The following FAF1 variants were observed in gnomAD, a reference collection of about 807,000 sequenced individuals.
The protein encoded by FAF1 is Fas associated factor 1, also known as FAS-associated factor 1.
In FAF1, 25 loss-of-function variants were observed where a neutral mutation model predicts 92.5. The ratio of observed to expected loss-of-function variants is 0.27; its 90% confidence interval spans 0.20 to 0.38. The LOEUF is 0.38. Among genes scored for constraint, FAF1 ranks in the 10% least tolerant of loss-of-function variants. The pLI is 1.00. For synonymous variants in FAF1, 234 were observed against 273.2 expected, an observed-to-expected ratio of 0.86 and a Z score of 1.42; for missense variants, 636 against 793.3, an observed-to-expected ratio of 0.80 and a Z score of 2.38.
intron 13 of FAF1, among the ~76,000 whole-genome samples, chr1:50,566,118 T>A (rs1345509543): frequency 6.6e-6 from 1 of 152,100 alleles, no homozygotes; most frequent in Admixed American, 6.5e-5. Context: ...AAATGAAGTA[T>A]TAGATTATGA....
intron 9 of FAF1, among the ~76,000 whole-genome samples, chr1:50,592,224 T>C (rs1296088164): frequency 6.7e-6 from 1 of 150,140 alleles, no homozygotes. Flanking sequence ...CAATAAATGT[T>C]TCTTTAACCA....
At chr1:50,811,369 C>T (rs1165397277) in intron 2 of FAF1, among the ~76,000 whole-genome samples, 1 of 151,988 alleles carries the variant, frequency 6.6e-6, no homozygotes, top group Non-Finnish European at 1.5e-5. Context: ...ACAAGAACAA[C>T]AAAACCAATA....
At chr1:50,861,387 G>C (rs1015140252) in intron 1 of FAF1, among the ~76,000 whole-genome samples, 13 of 151,832 alleles carry the variant, frequency 8.6e-5, no homozygotes, top group African/African-American at 3.1e-4. Flanking sequence ...GAATCTTCAT[G>C]ATAGGATTAG....
chr1:50,680,643 A>T lies in FAF1; in HGVS notation c.658-25115T>A, dbSNP rs551335323. Among the ~76,000 whole-genome samples the T allele has an allele frequency of 3.3e-5, 5 of 152,118 alleles. No individual in the cohort carries two copies. The East Asian group carries it at 9.7e-4, about 29-fold the overall frequency. ...GGTTGCAGTGAGCTGAGATTGTGCC[A>T]TTGCACTCCAGCCTGGGCGATGAGT... On this transcript the variant is annotated intron_variant, in intron 7 of 18. Transcript: ENST00000396153.
At chr1:50,780,036 A>T (rs888314980) in intron 4 of FAF1, among the ~76,000 whole-genome samples, 1 of 151,914 alleles carries the variant, frequency 6.6e-6, no homozygotes, top group Non-Finnish European at 1.5e-5. Context: ...GAAGTAAAAG[A>T]GGAAGTGTAG....
intron 12 of FAF1, among the ~76,000 whole-genome samples, chr1:50,582,059 G>A (rs1049560724): frequency 1.7e-4 from 26 of 150,280 alleles, no homozygotes; most frequent in Admixed American, 1.7e-3. Context: ...GGTGGGCAGG[G>A]GCCCAAAGTG....
intron 11 of FAF1, 159 bp from the exon 12 acceptor site, chr1:50,582,858 G>A (rs1251058754): frequency 8.6e-6 from 5 of 581,402 alleles, no homozygotes; most frequent in Non-Finnish European, 1.5e-5. Context: ...AGCTTTATTG[G>A]TTTTTAGAAT....
rs144693793 is a variant in FAF1, at chr1:50,512,770, A to G, written c.1495-20969T>C. Among the ~76,000 whole-genome samples, 620 of 152,318 alleles carry G rather than the reference A, an allele frequency of 4.1e-3. 8 individuals are homozygous for G. Among genetic ancestry groups the G allele is most frequent in the African/African-American group, 0.014 (573 of 41,582 alleles). Reference sequence around the variant, plus strand: ...AAAGTAGTTTTTTCTAATTCTGTGAAGAAAGTCAATGGTAGCTAGATGGGG... The same window carrying G: ...AAAGTAGTTTTTTCTAATTCTGTGAGGAAAGTCAATGGTAGCTAGATGGGG... On this transcript the variant is annotated intron_variant, in intron 15 of 18. Coordinates refer to ENST00000396153, the MANE Select transcript of FAF1 (RefSeq NM_007051.3).
chr1:50,721,074 C>T (rs1371552664), intron 6 of FAF1, among the ~76,000 whole-genome samples: 1 of 152,140 alleles, frequency 6.6e-6, no homozygotes. Context: ...TTGTACCCAG[C>T]CAAGACCCCA....
At chr1:50,502,538 CTGTT>C (rs1365230114) in intron 15 of FAF1, among the ~76,000 whole-genome samples, 1 of 152,142 alleles carries the variant, frequency 6.6e-6, no homozygotes, top group African/African-American at 2.4e-5. Flanking sequence ...GTTTCATTGA[CTGTT>C]TGACAGGAAC....
chr1:50,796,051 A>C (rs1244739565), intron 3 of FAF1, among the ~76,000 whole-genome samples: 1 of 151,806 alleles, frequency 6.6e-6, no homozygotes, highest in Non-Finnish European at 1.5e-5. Context: ...GTAAAAAAAC[A>C]ACAACAACAA....
chr1:50,920,166 T>C (rs781724018), intron 1 of FAF1, among the ~76,000 whole-genome samples: 39 of 151,970 alleles, frequency 2.6e-4, no homozygotes, highest in South Asian at 1.5e-3. Flanking sequence ...CTGGGTGTGG[T>C]GGCACTCGCC....
At chr1:50,456,844 T>C (rs1433797380) in intron 18 of FAF1, among the ~76,000 whole-genome samples, 1 of 152,178 alleles carries the variant, frequency 6.6e-6, no homozygotes, top group Non-Finnish European at 1.5e-5. Context: ...GGCAAATGCC[T>C]GGCTCAGCCC....
intron 7 of FAF1, among the ~76,000 whole-genome samples, chr1:50,705,045 G>T (rs1396311294): frequency 6.6e-6 from 1 of 152,258 alleles, no homozygotes; most frequent in Non-Finnish European, 1.5e-5. Context: ...AATGACTGTT[G>T]CTTTCATAAC....
chr1:50,539,196 T>C (rs1296563290), intron 14 of FAF1, among the ~76,000 whole-genome samples: 2 of 152,216 alleles, frequency 1.3e-5, no homozygotes, highest in Non-Finnish European at 2.9e-5. Context: ...AATTCAATCT[T>C]CAATATACAG....
intron 1 of FAF1, among the ~76,000 whole-genome samples, chr1:50,914,991 A>C (rs1644909738): frequency 6.6e-6 from 1 of 152,192 alleles, no homozygotes; most frequent in Admixed American, 6.5e-5. Context: ...CACATTGCAA[A>C]GTTTTTAAAA....
intron 7 of FAF1, among the ~76,000 whole-genome samples, chr1:50,657,911 G>A (rs1655197221): frequency 1.3e-5 from 2 of 152,116 alleles, no homozygotes; most frequent in Non-Finnish European, 2.9e-5. Context: ...TTCTTTAGAG[G>A]TTCTTAGCAA....
At chr1:50,874,722 GTCTCCATCCCT>G (rs1397620772) in intron 1 of FAF1, among the ~76,000 whole-genome samples, 1 of 139,634 alleles carries the variant, frequency 7.2e-6, no homozygotes, top group African/African-American at 2.6e-5. Flanking sequence ...GATGATTTAA[GTCTCCATCCCT>G]TCTCCATCTT....
chr1:50,882,600 TTAAATAAATAAATAAA>T lies in FAF1; in HGVS notation c.46-24619_46-24604del, dbSNP rs60244087. ...CTGGACAACAGAGCAAGACTCTGTC[TTAAATAAATAAATAAA>T]TAAATAAATAAATAAATAAATAAAT... On this transcript the variant is annotated intron_variant, in intron 1 of 18. Coordinates refer to ENST00000396153, the MANE Select transcript of FAF1 (RefSeq NM_007051.3). Among the ~76,000 whole-genome samples, 631 of 140,538 alleles carry T rather than the reference TTAAATAAATAAATAAA, an allele frequency of 4.5e-3. 3 individuals carry two copies. Among genetic ancestry groups the T allele is most frequent in the African/African-American group, 0.013 (478 of 37,622 alleles). The allele number at this position is 140,538 out of a possible 152,430, so 92.2% of individuals were successfully genotyped here.
Sources: allele counts gnomAD v4.1 joint callset (sites outside exome capture counted in the v4.1 genomes callset), GRCh38; gene constraint gnomAD v4.1.1; transcripts MANE v1.5; gene names NCBI Gene and HGNC (gene_info 2026-07-23, HGNC 2026-07-21).